Variants in JAK2 observed in about 807,000 individuals in gnomAD.
JAK2 encodes the protein tyrosine-protein kinase JAK2.
A neutral mutation model predicts 139.3 loss-of-function variants in JAK2; 86 were observed. That is an observed-to-expected ratio of 0.62 (90% CI 0.52 to 0.74). The LOEUF (loss-of-function observed/expected upper bound fraction) is 0.74. JAK2 is among the 30% of genes least tolerant of loss of function. The pLI, the probability that JAK2 is intolerant of heterozygous loss-of-function variation, is 0.00. For synonymous variants in JAK2, 490 were observed against 437.7 expected, an observed-to-expected ratio of 1.12 and a Z score of -1.49; for missense variants, 1,421 against 1,360.3, an observed-to-expected ratio of 1.04 and a Z score of -0.70.
intron 6 of JAK2, among the ~76,000 whole-genome samples, chr9:5,053,236 C>T (rs538150441): frequency 6.6e-6 from 1 of 152,130 alleles, no homozygotes; most frequent in East Asian, 1.9e-4. Context: ...TGATGTTTGG[C>T]ATCTTTTCAT....
chr9:5,020,851 C>T (rs954235687), intron 2 of JAK2, among the ~76,000 whole-genome samples: 1 of 151,994 alleles, frequency 6.6e-6, no homozygotes, highest in African/African-American at 2.4e-5. Flanking sequence ...TGTGGATATG[C>T]AGGGGCTGTT....
upstream of JAK2, chr9:4,984,737 G>GACT (rs1819839658): frequency 6.6e-6 from 1 of 152,364 alleles, no homozygotes; most frequent in Non-Finnish European, 1.5e-5. Flanking sequence ...CTCCTCCAGT[G>GACT]CAGGCTGCGC....
At chr9:5,001,185 T>C (rs1403101160) in intron 2 of JAK2, among the ~76,000 whole-genome samples, 1 of 152,196 alleles carries the variant, frequency 6.6e-6, no homozygotes. Flanking sequence ...TCTATGTCTT[T>C]TATTTCATTT....
chr9:5,049,270 A>G (rs376225465), intron 5 of JAK2, among the ~76,000 whole-genome samples: 13 of 152,302 alleles, frequency 8.5e-5, no homozygotes, highest in African/African-American at 2.6e-4. Flanking sequence ...ACAGATCTCC[A>G]TAGTTTCTAG....
At position 5,085,885 on chromosome 9, in the gene JAK2, T is replaced by C. The variant is rs748396262; in HGVS notation, c.2572-3789T>C. ...ATTTCCTTAAGTTCTGTTGTTGATATGAGCGGTTCCTTTCTAATACCCTCA... is the reference window on the plus strand; with the variant it reads ...ATTTCCTTAAGTTCTGTTGTTGATACGAGCGGTTCCTTTCTAATACCCTCA... On this transcript the variant is annotated intron_variant, in intron 19 of 24. Transcript: ENST00000381652. 5 of 807,092 alleles carry C rather than the reference T, an allele frequency of 6.2e-6. No homozygotes were observed. In the East Asian group the frequency reaches 9.8e-5, roughly 16 times the overall value. The allele number at this position is 807,092 out of a possible 1,614,324, so 50.0% of individuals were successfully genotyped here.
intron 23 of JAK2, among the ~76,000 whole-genome samples, chr9:5,124,574 G>A (rs1216663520): frequency 2.0e-5 from 3 of 151,536 alleles, no homozygotes; most frequent in Non-Finnish European, 4.4e-5. Flanking sequence ...AATTCATAGG[G>A]AACCAAAAAG....
chr9:5,013,391 T>C (rs1192955141), intron 2 of JAK2, among the ~76,000 whole-genome samples: 1 of 152,248 alleles, frequency 6.6e-6, no homozygotes, highest in Non-Finnish European at 1.5e-5. Flanking sequence ...AAAATGGTTA[T>C]ATCTTGCAAT....
At chr9:5,082,155 C>CAG in intron 19 of JAK2, among the ~76,000 whole-genome samples, 1 of 152,136 alleles carries the variant, frequency 6.6e-6, no homozygotes, top group Non-Finnish European at 1.5e-5. Flanking sequence ...CCCAGGGGAC[C>CAG]AGTGCTCAGC....
At chr9:4,994,719 A>G (rs1820462492) in intron 2 of JAK2, among the ~76,000 whole-genome samples, 1 of 152,164 alleles carries the variant, frequency 6.6e-6, no homozygotes, top group Non-Finnish European at 1.5e-5. Flanking sequence ...TAAATTTGGT[A>G]TGTGTGAACT....
chr9:5,111,062 A>C, intron 22 of JAK2: 1 of 1,156,068 alleles, frequency 8.7e-7, no homozygotes. Flanking sequence ...TCAGGTCTTG[A>C]GAACTGGCCC....
At chr9:5,079,222 A>G (rs1435078566) in intron 16 of JAK2, among the ~76,000 whole-genome samples, 1 of 152,204 alleles carries the variant, frequency 6.6e-6, no homozygotes, top group Non-Finnish European at 1.5e-5. Flanking sequence ...ATCCTTTGGA[A>G]TCGGAAGTGA....
chr9:5,007,529 A>C (rs1288499076), intron 2 of JAK2, among the ~76,000 whole-genome samples: 3 of 151,994 alleles, frequency 2.0e-5, no homozygotes, highest in Non-Finnish European at 4.4e-5. Flanking sequence ...TTTTTTGTTG[A>C]GGTATTAAGA....
chr9:5,081,886 T>C (rs1586755515), intron 19 of JAK2, 25 bp downstream of exon 19: 8 of 1,583,370 alleles, frequency 5.1e-6, no homozygotes, highest in South Asian at 2.2e-5. Context: ...TTTTTTCAAA[T>C]AGAGTATAAT....
chr9:5,094,190 C>G (rs187649896), intron 22 of JAK2: 1 of 152,062 alleles, frequency 6.6e-6, no homozygotes, highest in Non-Finnish European at 1.5e-5. Flanking sequence ...GACCTGATAC[C>G]GTAGGCCCCT....
intron 22 of JAK2, among the ~76,000 whole-genome samples, chr9:5,106,904 A>T (rs73399345): frequency 0.22 from 32,909 of 151,912 alleles, 3,776 homozygotes; most frequent in East Asian, 0.29. Context: ...CGGGGGAGGG[A>T]TAGCATTAGG....
chr9:5,122,854 AG>A (rs3837256), intron 22 of JAK2, 149 bp from the exon 23 acceptor site: 105,883 of 454,714 alleles, frequency 0.23, 12,990 homozygotes, highest in African/African-American at 0.29. Context: ...CCAGGCAAAA[AG>A]GCCCTTTTAA....
rs373353534 is a variant in JAK2, at chr9:5,081,805, C to T, written c.2515C>T (p.Arg839Trp). Reference protein sequence around the residue: ...ALGFSGAFEDRDPTQFEERHL... With the variant: ...ALGFSGAFEDWDPTQFEERHL... ...GGGGTTTTCTGGTGCCTTTGAAGAC[C>T]GGGATCCTACACAGTTTGAAGAGAG... Residue 839 changes from arginine to tryptophan, a missense_variant, in exon 19 of 25, where the codon CGG (arginine) becomes TGG (tryptophan). Coordinates refer to ENST00000381652, the MANE Select transcript of JAK2 (RefSeq NM_004972.4). 1.2e-5 allele frequency: 19 copies of T among 1,612,610 alleles called. No homozygotes were observed. Among genetic ancestry groups the T allele is most frequent in the Middle Eastern group, 1.6e-4 (1 of 6,084 alleles).
At chr9:5,041,752 G>C (rs1816550640) in intron 4 of JAK2, 1 of 491,132 alleles carries the variant, frequency 2.0e-6, no homozygotes, top group Non-Finnish European at 4.1e-6. Flanking sequence ...CCCATCAGCA[G>C]TGTCCACACC....
chr9:5,004,800 A>G (rs1821168531), intron 2 of JAK2, among the ~76,000 whole-genome samples: 1 of 151,942 alleles, frequency 6.6e-6, no homozygotes, highest in Non-Finnish European at 1.5e-5. Flanking sequence ...TGTTATCCTT[A>G]TATCTTTTTG....
Sources: gnomAD v4.1 joint callset for allele counts (sites outside exome capture counted in the v4.1 genomes callset) on GRCh38, gnomAD v4.1.1 for gene constraint, MANE v1.5 for transcripts, NCBI Gene and HGNC (gene_info 2026-07-23, HGNC 2026-07-21) for gene names.